Variants in SCAI observed in about 807,000 individuals in gnomAD.
SCAI encodes the protein protein SCAI.
Under a neutral mutation model 92.2 loss-of-function variants are expected in SCAI, and 24 were observed. The ratio of observed to expected loss-of-function variants is 0.26; its 90% CI spans 0.19 to 0.37. SCAI has a LOEUF of 0.37. Ranked by LOEUF, SCAI falls within the 10% of genes least tolerant of loss-of-function variation. The probability of loss-of-function intolerance (pLI) is 1.00; values close to 1 mark genes in which losing one functional copy is unlikely to be tolerated. For missense variants in SCAI, 450 were observed against 736.2 expected (o/e 0.61, Z 4.50); for synonymous variants, 261 against 258.6 (o/e 1.01, Z -0.09).
At chr9:125,071,304 T>C (rs113620367) in intron 2 of SCAI, among the ~76,000 whole-genome samples, 3,531 of 152,196 alleles carry the variant, frequency 0.023, 145 homozygotes, top group African/African-American at 0.081. Flanking sequence ...ATGGCTGAGG[T>C]GGAAGGATCA....
chr9:125,001,988 G>C lies in SCAI; in HGVS notation c.1121C>G (p.Pro374Arg), dbSNP rs750877373. The C allele has an allele frequency of 3.1e-6, 5 of 1,613,588 alleles. No individual in the cohort carries two copies. Among genetic ancestry groups the C allele is most frequent in the Non-Finnish European group, 2.5e-6 (3 of 1,179,534 alleles). The part of the protein sequence containing the change: ...LIYLSATGVF[P>R]TGRSDSEGPY... The stretch of plus-strand genomic sequence containing the variant: ...ACCTTCACTATCAGAACGACCTGTG[G>C]GGAAAACGCCAGTGGCCGACAGGTA... Residue 374 changes from proline to arginine, a missense_variant, in exon 12 of 18, where the codon CCC (proline) becomes CGC (arginine). Pro to Arg is a moderately radical substitution (Grantham distance 103). Transcript: ENST00000336505.
chr9:125,046,302 A>C (rs1833438615), intron 3 of SCAI, among the ~76,000 whole-genome samples: 1 of 64,448 alleles, frequency 1.6e-5, no homozygotes, highest in Non-Finnish European at 2.9e-5. Flanking sequence ...TTTATGGCCT[A>C]TCTCATATAT....
At chr9:125,039,385 CAAAAAAAAAAA>C (rs58716034) in intron 3 of SCAI, among the ~76,000 whole-genome samples, 5 of 48,362 alleles carry the variant, frequency 1.0e-4, no homozygotes, top group African/African-American at 3.4e-4. Context: ...GACTCCATCT[CAAAAAAAAAAA>C]AAAAAAAAGA....
chr9:125,001,116 ATGT>A (rs1832351901), intron 12 of SCAI, among the ~76,000 whole-genome samples: 1 of 152,218 alleles, frequency 6.6e-6, no homozygotes, highest in African/African-American at 2.4e-5. Context: ...ATTACTTTTA[ATGT>A]TGTATTATAT....
rs888271706 is a variant in SCAI at position 124,943,309 on chromosome 9, G to A, written c.*9498C>T. ...TATGAATCCAAACAGTTTTGCTAAC[G>A]GGGCTGAGTTGATGGATTTTTTTCT... On this transcript the variant is annotated 3_prime_UTR_variant, in exon 18 of 18. Transcript: ENST00000336505. The A allele has an allele frequency of 7.2e-5, 11 of 152,128 alleles. No homozygotes were observed. In the East Asian group the frequency reaches 1.2e-3, roughly 16 times the overall value. The allele number at this position is 152,128 out of a possible 1,614,324, so 9.4% of individuals were successfully genotyped here. A position where few individuals can be genotyped will look rare whatever the true frequency, so the allele number is the denominator to read the frequency against.
intron 7 of SCAI, among the ~76,000 whole-genome samples, chr9:125,019,528 A>C (rs1832827431): frequency 6.6e-6 from 1 of 152,154 alleles, no homozygotes; most frequent in Admixed American, 6.5e-5. Context: ...GGCTGGATGC[A>C]GTATCTCATA....
At chr9:125,115,933 G>A (rs962529891) in intron 2 of SCAI, among the ~76,000 whole-genome samples, 1 of 152,160 alleles carries the variant, frequency 6.6e-6, no homozygotes, top group Non-Finnish European at 1.5e-5. Context: ...AGTGCCTCAC[G>A]CCTGTAATCC....
chr9:125,127,543 T>C (rs906312508), intron 2 of SCAI, among the ~76,000 whole-genome samples: 1 of 152,074 alleles, frequency 6.6e-6, no homozygotes, highest in South Asian at 2.1e-4. Context: ...AGGGCAGAAT[T>C]TGATTTCATT....
chr9:125,040,536 G>A (rs931631629), intron 3 of SCAI, among the ~76,000 whole-genome samples: 2 of 152,116 alleles, frequency 1.3e-5, no homozygotes, highest in African/African-American at 2.4e-5. Flanking sequence ...AATATTTACT[G>A]TGTACAAAGT....
chr9:125,076,679 A>G (rs533007662), intron 2 of SCAI, among the ~76,000 whole-genome samples: 1 of 152,212 alleles, frequency 6.6e-6, no homozygotes, highest in South Asian at 2.1e-4. Context: ...AGTCTGGCCA[A>G]CATCATGGCG....
chr9:125,118,443 A>G (rs1044752520), intron 2 of SCAI, among the ~76,000 whole-genome samples: 1 of 152,100 alleles, frequency 6.6e-6, no homozygotes, highest in African/African-American at 2.4e-5. Flanking sequence ...CTTGACCCCA[A>G]GAGTTTAGGA....
chr9:125,065,132 A>T (rs1437869917), intron 2 of SCAI, among the ~76,000 whole-genome samples: 1 of 152,188 alleles, frequency 6.6e-6, no homozygotes, highest in Non-Finnish European at 1.5e-5. Context: ...AATTAATTAA[A>T]TAAGAAACAC....
rs185932555 is a variant in SCAI, at chr9:125,136,522, G to A, written c.98+6111C>T. ...GTCGCCCAGGCTGGAGTGCAATGGC[G>A]TGGTCTCAGCTCACTGCAACCTCTG... On this transcript the variant is annotated intron_variant, in intron 2 of 17. Transcript: ENST00000336505. 3.5e-5 allele frequency among the ~76,000 whole-genome samples: 5 copies of A among 142,470 alleles called. No homozygotes were observed. The South Asian group carries it at 6.5e-4, about 19-fold the overall frequency. 93.5% of individuals were successfully genotyped at this position (142,470 alleles called of 152,430 possible).
At chr9:125,067,714 T>C (rs929606790) in intron 2 of SCAI, among the ~76,000 whole-genome samples, 5 of 152,210 alleles carry the variant, frequency 3.3e-5, no homozygotes, top group Admixed American at 2.6e-4. Flanking sequence ...CTCTGACAAC[T>C]AATGAAGTTC....
At chr9:125,112,652 A>C (rs1490495227) in intron 2 of SCAI, among the ~76,000 whole-genome samples, 2 of 152,212 alleles carry the variant, frequency 1.3e-5, no homozygotes, top group African/African-American at 2.4e-5. Flanking sequence ...TTAAAACCAC[A>C]TTGTGCCCCA....
intron 17 of SCAI, among the ~76,000 whole-genome samples, chr9:124,963,937 G>A (rs7849549): frequency 8.5e-4 from 129 of 152,084 alleles, no homozygotes; most frequent in African/African-American, 3.0e-3. Flanking sequence ...GGCAGAGAGA[G>A]GAGAGGTGAA....
chr9:125,089,202 T>C (rs1423120106), intron 2 of SCAI, among the ~76,000 whole-genome samples: 1 of 152,226 alleles, frequency 6.6e-6, no homozygotes, highest in Non-Finnish European at 1.5e-5. Flanking sequence ...TAGTTCAGAC[T>C]ACCTCAAGTA....
chr9:125,027,794 G>A (rs56282703), intron 5 of SCAI, among the ~76,000 whole-genome samples: 25,869 of 152,090 alleles, frequency 0.17, 2,378 homozygotes, highest in East Asian at 0.24. Context: ...GATTACAGGC[G>A]TGAGCCACCA....
At chr9:125,012,847 A>G (rs1832668980) in intron 9 of SCAI, among the ~76,000 whole-genome samples, 1 of 152,216 alleles carries the variant, frequency 6.6e-6, no homozygotes. Flanking sequence ...CCACAGTGCA[A>G]TCAAACTAGA....
Sources: allele counts gnomAD v4.1 joint callset (sites outside exome capture counted in the v4.1 genomes callset), GRCh38; gene constraint gnomAD v4.1.1; transcripts MANE v1.5; gene names NCBI Gene and HGNC (gene_info 2026-07-23, HGNC 2026-07-21).